Variants in DOK6 observed in about 807,000 individuals in gnomAD.
DOK6 encodes the protein docking protein 6.
Under a neutral mutation model 44.0 loss-of-function variants are expected in DOK6, and 22 were observed. The ratio of observed to expected loss-of-function variants is 0.50; its 90% CI spans 0.36 to 0.71. The LOEUF (loss-of-function observed/expected upper bound fraction) is 0.71, where lower values mean the gene tolerates loss of function less well. DOK6 is among the 30% of genes least tolerant of loss of function. The pLI is 0.00. For missense variants in DOK6, 340 were observed against 416.4 expected, an observed-to-expected ratio of 0.82 and a Z score of 1.60; for synonymous variants, 166 against 145.5, an observed-to-expected ratio of 1.14 and a Z score of -1.01.
intron 1 of DOK6, among the ~76,000 whole-genome samples, chr18:69,447,188 G>C (rs1422946141): frequency 6.6e-6 from 1 of 152,140 alleles, no homozygotes; most frequent in Non-Finnish European, 1.5e-5. Flanking sequence ...ATGGTTTTAG[G>C]TCTAACATTT....
chr18:69,798,891 A>G (rs751608538), intron 7 of DOK6, among the ~76,000 whole-genome samples: 26 of 152,022 alleles, frequency 1.7e-4, no homozygotes, highest in Non-Finnish European at 3.1e-4. Flanking sequence ...GACGGTTTTG[A>G]GATGAGACCA....
At chr18:69,755,840 C>G (rs760578316) in intron 6 of DOK6, among the ~76,000 whole-genome samples, 10 of 152,152 alleles carry the variant, frequency 6.6e-5, no homozygotes, top group Non-Finnish European at 4.4e-5. Flanking sequence ...GGCATGTGAA[C>G]ACATTGAAGG....
intron 1 of DOK6, among the ~76,000 whole-genome samples, chr18:69,510,579 C>T (rs1981339121): frequency 6.6e-6 from 1 of 152,104 alleles, no homozygotes; most frequent in African/African-American, 2.4e-5. Flanking sequence ...ATGGCCATTA[C>T]CAACGTGAAT....
intron 1 of DOK6, among the ~76,000 whole-genome samples, chr18:69,411,284 G>A (rs1180350326): frequency 2.6e-5 from 4 of 152,168 alleles, no homozygotes; most frequent in Non-Finnish European, 1.5e-5. Flanking sequence ...GTTCTAAGAA[G>A]CTGGGAAGTT....
chr18:69,432,135 A>G (rs1025389575), intron 1 of DOK6, among the ~76,000 whole-genome samples: 8 of 152,350 alleles, frequency 5.3e-5, no homozygotes, highest in Admixed American at 4.6e-4. Context: ...CCTAAAGATT[A>G]TTAAACTAAA....
At chr18:69,449,754 T>C (rs989361272) in intron 1 of DOK6, among the ~76,000 whole-genome samples, 12 of 151,712 alleles carry the variant, frequency 7.9e-5, no homozygotes, top group Non-Finnish European at 1.8e-4. Context: ...CCCTGACCCC[T>C]GACCCCCGAG....
chr18:69,740,605 G>C (rs1303722016), intron 6 of DOK6, among the ~76,000 whole-genome samples: 1 of 152,144 alleles, frequency 6.6e-6, no homozygotes, highest in African/African-American at 2.4e-5. Context: ...GTACCCCGTT[G>C]GTGCTCTGGG....
intron 7 of DOK6, among the ~76,000 whole-genome samples, chr18:69,789,438 T>C (rs1488642761): frequency 6.6e-6 from 1 of 152,104 alleles, no homozygotes; most frequent in African/African-American, 2.4e-5. Flanking sequence ...TGACCCATTA[T>C]ATTGGGTCAG....
At position 69,495,924 on chromosome 18, in the gene DOK6, G is replaced by A. The variant is rs563700887; in HGVS notation, c.67-68563G>A. Among the ~76,000 whole-genome samples the A allele has an allele frequency of 9.8e-5, 15 of 152,356 alleles. 1 individual carries two copies. The highest frequency in any genetic ancestry group is 4.1e-4 in the South Asian group (2 of 4,828). On this transcript the variant is annotated intron_variant, in intron 1 of 7. Transcript: ENST00000382713. ...CAGACTGGGACAGCACCTGGGCTCAGCCCCAACTTTTCTGAGATTTGAGCG... is the reference window on the plus strand; with the variant it reads ...CAGACTGGGACAGCACCTGGGCTCAACCCCAACTTTTCTGAGATTTGAGCG...
intron 6 of DOK6, among the ~76,000 whole-genome samples, chr18:69,754,035 T>C (rs904509059): frequency 6.6e-6 from 1 of 152,206 alleles, no homozygotes; most frequent in African/African-American, 2.4e-5. Flanking sequence ...TTTATGGTCC[T>C]AAAAATCCTC....
intron 5 of DOK6, among the ~76,000 whole-genome samples, chr18:69,712,390 A>C (rs1986786176): frequency 6.6e-6 from 1 of 150,682 alleles, no homozygotes; most frequent in Non-Finnish European, 1.5e-5. Flanking sequence ...CTTTTATGAA[A>C]GAGGCAATGG....
At chr18:69,793,416 T>C (rs1469352984) in intron 7 of DOK6, among the ~76,000 whole-genome samples, 1 of 152,134 alleles carries the variant, frequency 6.6e-6, no homozygotes, top group Non-Finnish European at 1.5e-5. Flanking sequence ...GATCAAGGTG[T>C]TGACAGAAAG....
At chr18:69,581,525 A>T (rs1983369635) in intron 2 of DOK6, among the ~76,000 whole-genome samples, 1 of 152,174 alleles carries the variant, frequency 6.6e-6, no homozygotes, top group African/African-American at 2.4e-5. Context: ...TTTTAGGCTG[A>T]CAAAATTAAG....
chr18:69,653,451 T>C (rs893345337), intron 3 of DOK6, among the ~76,000 whole-genome samples: 7 of 152,040 alleles, frequency 4.6e-5, no homozygotes, highest in African/African-American at 9.7e-5. Flanking sequence ...TGCCGTCTGG[T>C]AGGTAATCAC....
intron 3 of DOK6, among the ~76,000 whole-genome samples, chr18:69,608,742 G>C (rs374209747): frequency 4.0e-5 from 6 of 151,890 alleles, no homozygotes; most frequent in Non-Finnish European, 8.8e-5. Flanking sequence ...ATGAAGTCAG[G>C]AATTCGAGAC....
intron 6 of DOK6, among the ~76,000 whole-genome samples, chr18:69,749,435 G>T (rs1979095671): frequency 6.6e-6 from 1 of 151,974 alleles, no homozygotes; most frequent in Non-Finnish European, 1.5e-5. Flanking sequence ...AAGATTATGA[G>T]GAAACATTAT....
rs372017472 is a variant in DOK6, at chr18:69,613,341, G to A, written c.289+13843G>A. Among the ~76,000 whole-genome samples the A allele has an allele frequency of 9.9e-5, 15 of 152,212 alleles. No individual in the cohort carries two copies. In the East Asian group the frequency reaches 2.9e-3, roughly 29 times the overall value. On this transcript the variant is annotated intron_variant, in intron 3 of 7. Coordinates refer to ENST00000382713, the MANE Select transcript of DOK6 (RefSeq NM_152721.6). The stretch of plus-strand genomic sequence containing the variant: ...CAAGTAAAACATTGCTGTATACAAT[G>A]AGAAATTCAACATTTTGCCTGTTCA...
At chr18:69,482,251 G>T (rs370017388) in intron 1 of DOK6, among the ~76,000 whole-genome samples, 16 of 152,088 alleles carry the variant, frequency 1.1e-4, no homozygotes, top group East Asian at 7.7e-4. Flanking sequence ...GTCAATTTTG[G>T]CTTTTGTTGC....
chr18:69,725,238 AC>A (rs1416584092), intron 5 of DOK6, among the ~76,000 whole-genome samples: 1 of 151,986 alleles, frequency 6.6e-6, no homozygotes. Context: ...CCCGATCACC[AC>A]CCGTCAGCCT....
Sources: allele counts gnomAD v4.1 joint callset (sites outside exome capture counted in the v4.1 genomes callset), GRCh38; gene constraint gnomAD v4.1.1; transcripts MANE v1.5; gene names NCBI Gene and HGNC (gene_info 2026-07-23, HGNC 2026-07-21).